PTPRN2: variants seen among roughly 807,000 people sequenced by gnomAD.
PTPRN2 encodes the protein receptor-type tyrosine-protein phosphatase N2.
A neutral mutation model predicts 118.8 loss-of-function variants in PTPRN2; 74 were observed. That is an observed-to-expected ratio of 0.62 (90% CI 0.52 to 0.76). PTPRN2 has a LOEUF of 0.76. Among genes scored for constraint, PTPRN2 ranks in the 30% least tolerant of loss-of-function variants. The pLI is 0.00. For missense variants in PTPRN2, 1,481 were observed against 1,394.4 expected (o/e 1.06, Z -0.99); for synonymous variants, 641 against 608.0 (o/e 1.05, Z -0.80).
At chr7:158,051,637 A>G (rs1415420376) in intron 11 of PTPRN2, among the ~76,000 whole-genome samples, 1 of 152,232 alleles carries the variant, frequency 6.6e-6, no homozygotes. Flanking sequence ...CGCCACCTTC[A>G]TCTTTTCCCC....
intron 7 of PTPRN2, among the ~76,000 whole-genome samples, chr7:158,137,828 C>T (rs1235115269): frequency 6.6e-6 from 1 of 152,202 alleles, no homozygotes; most frequent in African/African-American, 2.4e-5. Flanking sequence ...TCCTGGCTGA[C>T]CCATGGGGCC....
At chr7:158,063,809 C>CCAATTCTGG (rs1810551704) in intron 11 of PTPRN2, among the ~76,000 whole-genome samples, 3 of 152,232 alleles carry the variant, frequency 2.0e-5, no homozygotes, top group Non-Finnish European at 4.4e-5. Flanking sequence ...ACCAAGAACC[C>CCAATTCTGG]ACCCATTCTG....
At chr7:158,442,360 G>A (rs535683145) in intron 2 of PTPRN2, among the ~76,000 whole-genome samples, 4 of 152,210 alleles carry the variant, frequency 2.6e-5, no homozygotes, top group South Asian at 4.2e-4. Context: ...GCAAACGTAC[G>A]AGAGCTGAAA....
Position 157,560,366 on chromosome 7 carries a change from G to A in PTPRN2, c.2902+8536C>T, listed in dbSNP as rs895608440. On this transcript the variant is annotated intron_variant, in intron 21 of 22. Transcript: ENST00000389418. This position sits in a 1 kb window ranked among gnomAD's most constrained non-coding sequence, Gnocchi z 6.7. ...TGCTGCCCACACGGATGCCCAGAGC[G>A]TGTTCCCCAAGACCAGCGGGTCTCA... is the stretch of plus-strand genomic sequence containing the variant. 6.6e-6 allele frequency among the ~76,000 whole-genome samples: 1 copy of A among 152,242 alleles called. No homozygotes were observed. Among genetic ancestry groups the A allele is most frequent in the East Asian group, 1.9e-4 (1 of 5,180 alleles).
chr7:157,957,647 C>T lies in PTPRN2; in HGVS notation c.1724-58910G>A, dbSNP rs549190601. Among the ~76,000 whole-genome samples, 3 of 152,102 alleles carry T rather than the reference C, an allele frequency of 2.0e-5. 1 individual carries two copies. Among genetic ancestry groups the T allele is most frequent in the African/African-American group, 7.2e-5 (3 of 41,486 alleles). ...TTGCACACCTACAAACAGGATAACACAAGAAATGGGAAAATTCCTAGAAAT... is the reference window on the plus strand; with the variant it reads ...TTGCACACCTACAAACAGGATAACATAAGAAATGGGAAAATTCCTAGAAAT... On this transcript the variant is annotated intron_variant, in intron 11 of 22. Coordinates refer to ENST00000389418, the MANE Select transcript of PTPRN2 (RefSeq NM_002847.5).
chr7:158,187,507 C>A (rs897638854), intron 5 of PTPRN2, among the ~76,000 whole-genome samples: 1 of 152,132 alleles, frequency 6.6e-6, no homozygotes, highest in Non-Finnish European at 1.5e-5. Flanking sequence ...TGCACGGCAG[C>A]GCTGCAGCCT....
In PTPRN2 at chr7:157,901,820, C is replaced by T. The variant is rs113713255; in HGVS notation, c.1724-3083G>A. On this transcript the variant is annotated intron_variant, in intron 11 of 22. Coordinates refer to ENST00000389418, the MANE Select transcript of PTPRN2 (RefSeq NM_002847.5). ...CCTGGGTCCTGAGGCGGGGCCTCCC[C>T]GTCCGTGTTTCCTTGGTTCTGAAGT... 1.4e-3 allele frequency among the ~76,000 whole-genome samples: 187 copies of T among 135,918 alleles called. 9 individuals carry two copies. The highest frequency in any genetic ancestry group is 5.4e-3 in the African/African-American group (179 of 32,980). 89.2% of individuals were successfully genotyped at this position (135,918 alleles called of 152,430 possible).
At chr7:157,993,298 T>A (rs1465646501) in intron 11 of PTPRN2, among the ~76,000 whole-genome samples, 1 of 151,864 alleles carries the variant, frequency 6.6e-6, no homozygotes, top group East Asian at 1.9e-4. Flanking sequence ...GGAAAATAGA[T>A]TTTTTCCTAG....
chr7:158,080,682 A>C (rs1282074133), intron 11 of PTPRN2, among the ~76,000 whole-genome samples: 1 of 152,118 alleles, frequency 6.6e-6, no homozygotes, highest in Non-Finnish European at 1.5e-5. Context: ...TTTTTCACTC[A>C]ATGACAATTA....
chr7:158,146,527 C>A (rs1441830015), intron 6 of PTPRN2, among the ~76,000 whole-genome samples: 2 of 151,958 alleles, frequency 1.3e-5, no homozygotes, highest in Non-Finnish European at 2.9e-5. Flanking sequence ...CAAGACCATC[C>A]TGACTAACAT....
At chr7:158,152,225 T>C (rs1008985178) in intron 6 of PTPRN2, among the ~76,000 whole-genome samples, 1 of 147,756 alleles carries the variant, frequency 6.8e-6, no homozygotes, top group Non-Finnish European at 1.5e-5. Context: ...TGGTGATTGA[T>C]GCTGCGAAGA....
At chr7:158,328,567 T>C (rs996955742) in intron 2 of PTPRN2, among the ~76,000 whole-genome samples, 1 of 152,166 alleles carries the variant, frequency 6.6e-6, no homozygotes, top group African/African-American at 2.4e-5. Flanking sequence ...GGGCAGCACC[T>C]GCACCCACAG....
chr7:158,357,138 G>A (rs1808450177), intron 2 of PTPRN2, among the ~76,000 whole-genome samples: 1 of 152,264 alleles, frequency 6.6e-6, no homozygotes, highest in Non-Finnish European at 1.5e-5. Flanking sequence ...GAGGACGGAA[G>A]AGGAACCGGA....
intron 1 of PTPRN2, chr7:158,541,687 C>CTTA: frequency 7.7e-7 from 1 of 1,292,058 alleles, no homozygotes; most frequent in Non-Finnish European, 1.0e-6. Context: ...CTGTTGAAGA[C>CTTA]TTAGCTAAGT....
At chr7:157,840,445 A>G (rs1321868830) in intron 12 of PTPRN2, among the ~76,000 whole-genome samples, 1 of 135,908 alleles carries the variant, frequency 7.4e-6, no homozygotes, top group African/African-American at 2.8e-5. Flanking sequence ...ACCGCGTGTG[A>G]CTGTGTGACC....
At chr7:158,357,701 C>T (rs567804129) in intron 2 of PTPRN2, among the ~76,000 whole-genome samples, 1 of 152,348 alleles carries the variant, frequency 6.6e-6, no homozygotes, top group African/African-American at 2.4e-5. Context: ...GCAACCGGGA[C>T]CCAGCTCTTA....
At position 157,845,140 on chromosome 7, in the gene PTPRN2, C is replaced by A. The variant is rs1808707930; in HGVS notation, c.1788+53533G>T. On this transcript the variant is annotated intron_variant, in intron 12 of 22. Coordinates refer to ENST00000389418, the MANE Select transcript of PTPRN2 (RefSeq NM_002847.5). The surrounding 1 kb of genome is among the most constrained non-coding windows in gnomAD (Gnocchi z 4.5). ...ACGTTGGTCCACGACGGGCAGAGAG[C>A]AACTTGGATGGCTGCCTTTGTTGTT... Among the ~76,000 whole-genome samples, 3 of 152,178 alleles carry A rather than the reference C, an allele frequency of 2.0e-5. No individual in the cohort carries two copies. The highest frequency in any genetic ancestry group is 4.1e-4 in the South Asian group (2 of 4,828).
At chr7:157,664,492 C>T (rs1001453391) in intron 13 of PTPRN2, among the ~76,000 whole-genome samples, 9 of 152,230 alleles carry the variant, frequency 5.9e-5, no homozygotes, top group Non-Finnish European at 1.3e-4. Flanking sequence ...GGTAGTCGGG[C>T]GTGGTGGCTC....
chr7:157,806,147 C>T (rs528553383), intron 12 of PTPRN2, among the ~76,000 whole-genome samples: 6 of 152,220 alleles, frequency 3.9e-5, no homozygotes, highest in African/African-American at 9.6e-5. Flanking sequence ...TGATTGGAAC[C>T]AGAAGTGTCT....
Sources: gnomAD v4.1 joint callset for allele counts (sites outside exome capture counted in the v4.1 genomes callset) on GRCh38, gnomAD v4.1.1 for gene constraint, Gnocchi (gnomAD v3.1) non-coding constraint, MANE v1.5 for transcripts, NCBI Gene and HGNC (gene_info 2026-07-23, HGNC 2026-07-21) for gene names.